The following MSRB3 variants were observed in gnomAD, a reference collection of about 807,000 sequenced individuals.
MSRB3 encodes methionine-R-sulfoxide reductase B3.
MSRB3 carries 13 observed loss-of-function variants against 21.0 expected under a neutral mutation model. The ratio of observed to expected loss-of-function variants is 0.62; its 90% CI spans 0.40 to 0.98. The LOEUF (loss-of-function observed/expected upper bound fraction) is 0.98. Among genes scored for constraint, MSRB3 ranks in the 50% least tolerant of loss-of-function variants. MSRB3 has a pLI of 0.00. For missense variants in MSRB3, 199 were observed against 230.3 expected (o/e 0.86, Z 0.88); for synonymous variants, 87 against 88.6 (o/e 0.98, Z 0.10).
chr12:65,331,422 C>CA (rs1875409920), intron 4 of MSRB3, among the ~76,000 whole-genome samples: 1 of 152,198 alleles, frequency 6.6e-6, no homozygotes, highest in Admixed American at 6.5e-5. Flanking sequence ...TCCGTACACA[C>CA]AGGGCTGAGG....
chr12:65,355,212 T>C (rs1877313106), intron 4 of MSRB3, among the ~76,000 whole-genome samples: 1 of 151,898 alleles, frequency 6.6e-6, no homozygotes, highest in Non-Finnish European at 1.5e-5. Flanking sequence ...AGATTAGTTT[T>C]CAGTATTCCG....
At chr12:65,462,620 T>C (rs969931954) in intron 6 of MSRB3, among the ~76,000 whole-genome samples, 15 of 152,242 alleles carry the variant, frequency 9.9e-5, no homozygotes, top group African/African-American at 3.6e-4. Context: ...GACTGTGACA[T>C]AAATCTATTG....
intron 2 of MSRB3, among the ~76,000 whole-genome samples, chr12:65,315,079 A>G: frequency 6.6e-6 from 1 of 152,180 alleles, no homozygotes; most frequent in Non-Finnish European, 1.5e-5. Context: ...ATGAATTTTT[A>G]CTATCATCCT....
chr12:65,348,355 T>G (rs1342506824), intron 4 of MSRB3, among the ~76,000 whole-genome samples: 1 of 152,184 alleles, frequency 6.6e-6, no homozygotes, highest in African/African-American at 2.4e-5. Context: ...TCTTCTAGAT[T>G]TTGTAGTTTA....
At chr12:65,351,807 T>C (rs1387613492) in intron 4 of MSRB3, among the ~76,000 whole-genome samples, 4 of 152,112 alleles carry the variant, frequency 2.6e-5, no homozygotes, top group African/African-American at 9.7e-5. Context: ...GAGCTGAAAT[T>C]GTGGCAATAA....
intron 5 of MSRB3, among the ~76,000 whole-genome samples, chr12:65,447,500 A>C (rs1661998399): frequency 6.6e-6 from 1 of 152,224 alleles, no homozygotes; most frequent in African/African-American, 2.4e-5. Context: ...GCCAGAGGTA[A>C]GAATAATGTG....
At chr12:65,436,142 C>T (rs192338304) in intron 5 of MSRB3, among the ~76,000 whole-genome samples, 110 of 151,694 alleles carry the variant, frequency 7.3e-4, no homozygotes, top group African/African-American at 2.2e-3. Flanking sequence ...CCATGAATTT[C>T]GATGGGAAAA....
chr12:65,346,015 T>C (rs1180687892), intron 4 of MSRB3, among the ~76,000 whole-genome samples: 3 of 152,182 alleles, frequency 2.0e-5, no homozygotes, highest in African/African-American at 7.2e-5. Flanking sequence ...TCCAAGTCTT[T>C]GCTATTGTGA....
chr12:65,418,412 A>G (rs1219821861), intron 5 of MSRB3, among the ~76,000 whole-genome samples: 1 of 152,118 alleles, frequency 6.6e-6, no homozygotes, highest in Non-Finnish European at 1.5e-5. Flanking sequence ...CACTCTTATC[A>G]GATGTGAGGT....
intron 5 of MSRB3, among the ~76,000 whole-genome samples, chr12:65,452,550 T>C (rs1882902934): frequency 6.6e-6 from 1 of 152,156 alleles, no homozygotes; most frequent in African/African-American, 2.4e-5. Context: ...AAGTTTAAGG[T>C]TTTCCTGGTG....
intron 5 of MSRB3, among the ~76,000 whole-genome samples, chr12:65,434,330 C>T (rs965132251): frequency 6.6e-6 from 1 of 151,824 alleles, no homozygotes; most frequent in Non-Finnish European, 1.5e-5. Flanking sequence ...TGAGATCTGC[C>T]CGTCTACCTC....
At chr12:65,458,258 T>C (rs539051755) in intron 6 of MSRB3, among the ~76,000 whole-genome samples, 1 of 152,160 alleles carries the variant, frequency 6.6e-6, no homozygotes, top group Non-Finnish European at 1.5e-5. Context: ...TTAGGATCCT[T>C]TTTTAAAAAA....
intron 2 of MSRB3, among the ~76,000 whole-genome samples, chr12:65,311,708 A>T (rs1873996820): frequency 6.6e-6 from 1 of 152,074 alleles, no homozygotes; most frequent in South Asian, 2.1e-4. Context: ...TACAACAGAA[A>T]TCTCTGTAAA....
intron 4 of MSRB3, among the ~76,000 whole-genome samples, chr12:65,348,629 C>T (rs1047531619): frequency 6.6e-6 from 1 of 152,088 alleles, no homozygotes; most frequent in Non-Finnish European, 1.5e-5. Flanking sequence ...CTTCTGCTAG[C>T]TTTTGAATGT....
chr12:65,396,700 A>AGAAAG (rs1555209331), intron 5 of MSRB3, among the ~76,000 whole-genome samples: 2 of 11,654 alleles, frequency 1.7e-4, no homozygotes, highest in African/African-American at 9.7e-4. Context: ...TCAAAAAAAA[A>AGAAAG]AAAAAAAGAA....
chr12:65,312,712 G>A (rs1874057893), intron 2 of MSRB3, among the ~76,000 whole-genome samples: 1 of 152,002 alleles, frequency 6.6e-6, no homozygotes, highest in Non-Finnish European at 1.5e-5. Flanking sequence ...TGCAAATGGT[G>A]TTAGAAAGTC....
intron 5 of MSRB3, among the ~76,000 whole-genome samples, chr12:65,376,244 C>G (rs1446381690): frequency 6.6e-6 from 1 of 152,016 alleles, no homozygotes; most frequent in East Asian, 1.9e-4. Context: ...CTCAGCCTCC[C>G]GAGTAGCTGG....
At chr12:65,459,397 A>G (rs1314840424) in intron 6 of MSRB3, among the ~76,000 whole-genome samples, 1 of 152,220 alleles carries the variant, frequency 6.6e-6, no homozygotes, top group East Asian at 1.9e-4. Context: ...GTGTTACAAT[A>G]GGGCTTCAGA....
At chr12:65,404,990 C>T (rs1398994022) in intron 5 of MSRB3, among the ~76,000 whole-genome samples, 1 of 150,918 alleles carries the variant, frequency 6.6e-6, no homozygotes, top group Non-Finnish European at 1.5e-5. Context: ...GAGTCTCAGT[C>T]TGTTGCCCAG....
Sources: gnomAD v4.1 joint callset for allele counts (sites outside exome capture counted in the v4.1 genomes callset) on GRCh38, gnomAD v4.1.1 for gene constraint, MANE v1.5 for transcripts, NCBI Gene and HGNC (gene_info 2026-07-23, HGNC 2026-07-21) for gene names.